AFAP1L2: variants seen among roughly 807,000 people sequenced by gnomAD.
The protein encoded by AFAP1L2 is actin filament-associated protein 1-like 2.
A neutral mutation model predicts 99.3 loss-of-function variants in AFAP1L2; 46 were observed. The ratio of observed to expected loss-of-function variants is 0.46; its 90% confidence interval spans 0.37 to 0.59. The LOEUF (loss-of-function observed/expected upper bound fraction) is 0.59. AFAP1L2 is among the 20% of genes least tolerant of loss of function. The probability of loss-of-function intolerance (pLI) is 0.00; values close to 1 mark genes in which losing one functional copy is unlikely to be tolerated. For missense variants in AFAP1L2, 959 were observed against 1,034.9 expected, an observed-to-expected ratio of 0.93 and a Z score of 1.01; for synonymous variants, 397 against 419.1, an observed-to-expected ratio of 0.95 and a Z score of 0.64.
intron 4 of AFAP1L2, among the ~76,000 whole-genome samples, chr10:114,327,476 CA>C (rs1298473442): frequency 1.3e-5 from 2 of 151,896 alleles, no homozygotes. Flanking sequence ...GATTTAACAT[CA>C]AAACCTGAAA....
chr10:114,309,121 C>G (rs2042840120), intron 8 of AFAP1L2, among the ~76,000 whole-genome samples: 1 of 152,190 alleles, frequency 6.6e-6, no homozygotes, highest in Admixed American at 6.5e-5. Flanking sequence ...TTTAGAGAGT[C>G]ACCGACTCCA....
In AFAP1L2 at chr10:114,348,830, A is replaced by G. The variant is rs187339505; in HGVS notation, c.17-8099T>C. Among the ~76,000 whole-genome samples the G allele has an allele frequency of 1.2e-4, 18 of 152,298 alleles. 1 individual carries two copies. Among genetic ancestry groups the G allele is most frequent in the Admixed American group, 9.8e-4 (15 of 15,294 alleles). On this transcript the variant is annotated intron_variant, in intron 1 of 18. Transcript: ENST00000304129. ...GTGTGACCTGGGGCAGCACTTTTCA[A>G]TCTTCCCAGGTGAGTCTAATGCACA...
intron 1 of AFAP1L2, chr10:114,399,022 G>A: frequency 1.2e-6 from 1 of 834,284 alleles, no homozygotes; most frequent in Non-Finnish European, 1.8e-6. Context: ...TTGTGAACCA[G>A]GTCTGTTCTC....
intron 13 of AFAP1L2, 92 bp downstream of exon 13, chr10:114,301,262 G>C: frequency 1.9e-6 from 2 of 1,074,084 alleles, no homozygotes; most frequent in Non-Finnish European, 2.8e-6. Flanking sequence ...TCTCATCTCA[G>C]GGATACTCTA....
At chr10:114,391,821 C>T (rs1157973952) in intron 1 of AFAP1L2, among the ~76,000 whole-genome samples, 1 of 152,122 alleles carries the variant, frequency 6.6e-6, no homozygotes, top group African/African-American at 2.4e-5. Context: ...TAGGGAGCTA[C>T]AAGGAGCCCG....
chr10:114,317,587 G>A (rs1346766798), intron 5 of AFAP1L2, among the ~76,000 whole-genome samples: 2 of 152,172 alleles, frequency 1.3e-5, no homozygotes, highest in Non-Finnish European at 2.9e-5. Context: ...GGCCAGGCGT[G>A]GTGGCTCACA....
chr10:114,391,142 C>T (rs1404209002), intron 1 of AFAP1L2, among the ~76,000 whole-genome samples: 1 of 152,138 alleles, frequency 6.6e-6, no homozygotes, highest in East Asian at 1.9e-4. Context: ...GAACAGAGCC[C>T]TTAACTTTGA....
intron 4 of AFAP1L2, among the ~76,000 whole-genome samples, chr10:114,331,032 G>C (rs1357089573): frequency 6.6e-6 from 1 of 152,176 alleles, no homozygotes; most frequent in Non-Finnish European, 1.5e-5. Context: ...CTCTAAAGCA[G>C]GCCTGACCAC....
chr10:114,301,428 TG>T lies in AFAP1L2; in HGVS notation c.1467del (p.Tyr489Ter). On this transcript the variant is annotated frameshift_variant, in exon 13 of 19. Coordinates refer to ENST00000304129, the MANE Select transcript of AFAP1L2 (RefSeq NM_001001936.3). LOFTEE classifies it high-confidence loss of function. The stretch of plus-strand genomic sequence containing the variant: ...CGGTCCTGGCTAGGCAGGCCATCGA[TG>T]TAAGTGTTGGGCTCTGAGAACTTTC... ...MQRKFSEPNTYIDGLPSQDRQ... is the reference protein window; with the variant it reads ...MQRKFSEPNTXIDGLPSQDRQ... 6.2e-7 allele frequency: 1 copy of T among 1,614,148 alleles called. No homozygotes were observed. The highest frequency in any genetic ancestry group is 8.5e-7 in the Non-Finnish European group (1 of 1,179,994).
intron 4 of AFAP1L2, chr10:114,326,127 G>A (rs1464643915): frequency 1.8e-6 from 2 of 1,099,406 alleles, no homozygotes; most frequent in Non-Finnish European, 2.4e-6. Context: ...TGTCCCTGGG[G>A]GCCTCCTGTC....
At chr10:114,286,444 G>A in the AFAP1L2 span, 52 of 1,610,684 alleles carry the variant, frequency 3.2e-5, no homozygotes, top group Non-Finnish European at 3.4e-5. Context: ...TGGTCTACTC[G>A]GATCCTCAGG....
chr10:114,387,943 AC>A (rs1157479723), intron 1 of AFAP1L2, among the ~76,000 whole-genome samples: 1 of 151,764 alleles, frequency 6.6e-6, no homozygotes, highest in African/African-American at 2.4e-5. Flanking sequence ...TCCTACCCCT[AC>A]CCCCAGTAAG....
chr10:114,330,892 C>T (rs1204647188), intron 4 of AFAP1L2, among the ~76,000 whole-genome samples: 1 of 152,156 alleles, frequency 6.6e-6, no homozygotes, highest in Non-Finnish European at 1.5e-5. Flanking sequence ...GAGTGGGTAA[C>T]TGGGTGGTGG....
downstream of AFAP1L2, among the ~76,000 whole-genome samples, chr10:114,292,309 A>G (rs189909618): frequency 3.5e-3 from 526 of 152,040 alleles, 3 homozygotes; most frequent in African/African-American, 0.012. Context: ...GGAGGGGTTA[A>G]TTGTGGCGTG....
chr10:114,322,800 C>T (rs942254475), intron 5 of AFAP1L2, among the ~76,000 whole-genome samples: 1 of 152,258 alleles, frequency 6.6e-6, no homozygotes, highest in Non-Finnish European at 1.5e-5. Flanking sequence ...ACTTCCATTG[C>T]TGACCAGGGC....
At chr10:114,290,572 T>G (rs148651339), downstream of AFAP1L2, among the ~76,000 whole-genome samples, 566 of 152,328 alleles carry the variant, frequency 3.7e-3, 3 homozygotes, top group African/African-American at 0.012. Flanking sequence ...AACAAATGAA[T>G]AAAACCTCTG....
At chr10:114,367,978 G>A (rs1480233326) in intron 1 of AFAP1L2, among the ~76,000 whole-genome samples, 2 of 152,192 alleles carry the variant, frequency 1.3e-5, no homozygotes, top group East Asian at 3.8e-4. Flanking sequence ...TAAGAAGCCT[G>A]AGTCACCAGG....
intron 1 of AFAP1L2, among the ~76,000 whole-genome samples, chr10:114,388,594 G>A (rs2056793327): frequency 6.6e-6 from 1 of 152,142 alleles, no homozygotes; most frequent in Admixed American, 6.5e-5. Context: ...TCAGGACAGG[G>A]GCCTCGTCAG....
At chr10:114,368,171 C>G (rs980174464) in intron 1 of AFAP1L2, among the ~76,000 whole-genome samples, 7 of 152,056 alleles carry the variant, frequency 4.6e-5, no homozygotes, top group African/African-American at 1.4e-4. Flanking sequence ...CATGGATGGA[C>G]CTGGAGGACA....
Sources: gnomAD v4.1 joint callset for allele counts (sites outside exome capture counted in the v4.1 genomes callset) on GRCh38, gnomAD v4.1.1 for gene constraint, MANE v1.5 for transcripts, NCBI Gene and HGNC (gene_info 2026-07-23, HGNC 2026-07-21) for gene names.